Variants in ATP10A observed in about 807,000 individuals in gnomAD.
The protein encoded by ATP10A is phospholipid-transporting ATPase VA.
A neutral mutation model predicts 147.8 loss-of-function variants in ATP10A; 111 were observed. That is an observed-to-expected ratio of 0.75 (90% CI 0.64 to 0.88). The LOEUF (loss-of-function observed/expected upper bound fraction) is 0.88. ATP10A is among the 40% of genes least tolerant of loss of function. The probability of loss-of-function intolerance (pLI) is 0.00; values close to 1 mark genes in which losing one functional copy is unlikely to be tolerated. For missense variants in ATP10A, 1,927 were observed against 1,959.0 expected, an observed-to-expected ratio of 0.98 and a Z score of 0.31; for synonymous variants, 875 against 841.6, an observed-to-expected ratio of 1.04 and a Z score of -0.69.
intron 18 of ATP10A, 38 bp downstream of exon 18, chr15:25,680,956 C>G: frequency 6.2e-7 from 1 of 1,613,702 alleles, no homozygotes; most frequent in Non-Finnish European, 8.5e-7. Context: ...TCCCCGGATC[C>G]AGCTGGTAAG....
chr15:25,754,689 G>A (rs1053594791), intron 2 of ATP10A, among the ~76,000 whole-genome samples: 3 of 152,126 alleles, frequency 2.0e-5, no homozygotes, highest in Non-Finnish European at 4.4e-5. Flanking sequence ...AATTTCTCAA[G>A]CTCTAAATAC....
chr15:25,860,798 G>A (rs957192658), intron 1 of ATP10A, among the ~76,000 whole-genome samples: 1 of 152,190 alleles, frequency 6.6e-6, no homozygotes, highest in African/African-American at 2.4e-5. Flanking sequence ...GGCAAGATGG[G>A]TGTGATAGTT....
intron 6 of ATP10A, 116 bp from the exon 7 acceptor site, chr15:25,722,025 G>T: frequency 8.7e-7 from 1 of 1,147,288 alleles, no homozygotes; most frequent in Non-Finnish European, 1.2e-6. Flanking sequence ...GGACTATACT[G>T]TACCTTTAAG....
intron 2 of ATP10A, among the ~76,000 whole-genome samples, chr15:25,777,096 C>CGTGCGTGT (rs1555468163): frequency 6.7e-6 from 1 of 149,698 alleles, no homozygotes; most frequent in Non-Finnish European, 1.5e-5. Flanking sequence ...TGCATACGTG[C>CGTGCGTGT]GTGTGTGTGT....
rs1899260934 is a variant in ATP10A, at chr15:25,679,582, G to A, written c.4259C>T (p.Thr1420Ile). Residue 1420 changes from threonine to isoleucine, a missense_variant, in exon 21 of 21, where the codon ACC becomes ATC. Coordinates refer to ENST00000555815, the MANE Select transcript of ATP10A (RefSeq NM_024490.4). ...PEESKVRAAS[T>I]GRVTPLSSLF... Reference sequence around the variant, plus strand: ...GGAAGACAGGGGGGTCACCCTGCCGGTGCTGGCAGCTCTCACCTTGGACTC... The same window carrying A: ...GGAAGACAGGGGGGTCACCCTGCCGATGCTGGCAGCTCTCACCTTGGACTC... 6.2e-7 allele frequency: 1 copy of A among 1,610,590 alleles called. No individual in the cohort carries two copies. Among genetic ancestry groups the A allele is most frequent in the Non-Finnish European group, 8.5e-7 (1 of 1,177,456 alleles).
At chr15:25,801,518 A>C (rs1318060022) in intron 1 of ATP10A, among the ~76,000 whole-genome samples, 4 of 152,166 alleles carry the variant, frequency 2.6e-5, no homozygotes, top group African/African-American at 9.7e-5. Flanking sequence ...ACTGAGAATG[A>C]GGGCGGACGA....
At chr15:25,820,015 C>G (rs1822477207) in intron 1 of ATP10A, among the ~76,000 whole-genome samples, 1 of 151,964 alleles carries the variant, frequency 6.6e-6, no homozygotes, top group South Asian at 2.1e-4. Flanking sequence ...GGCTTCACCC[C>G]CAGGCAAAAT....
At chr15:25,783,220 G>A (rs1294078323) in intron 1 of ATP10A, among the ~76,000 whole-genome samples, 3 of 152,098 alleles carry the variant, frequency 2.0e-5, no homozygotes, top group African/African-American at 7.2e-5. Context: ...CTGTAAAAGA[G>A]TAAAAAGCAC....
chr15:25,730,120 G>A (rs1356752619), intron 3 of ATP10A, among the ~76,000 whole-genome samples: 3 of 146,490 alleles, frequency 2.0e-5, no homozygotes, highest in South Asian at 2.2e-4. Context: ...GCGAAACCCC[G>A]TCTCTACTAA....
At chr15:25,674,337 G>A (rs1488455771), downstream of ATP10A, among the ~76,000 whole-genome samples, 1 of 152,192 alleles carries the variant, frequency 6.6e-6, no homozygotes. Flanking sequence ...CCTTGAGCTT[G>A]GACAAAGGAG....
intron 2 of ATP10A, among the ~76,000 whole-genome samples, chr15:25,762,090 G>C (rs1888789429): frequency 6.6e-6 from 1 of 152,114 alleles, no homozygotes; most frequent in Admixed American, 6.5e-5. Context: ...TCGTGACAGT[G>C]AGTTCTCATG....
rs543635176 is a variant in ATP10A, at chr15:25,811,366, A to G, written c.450-30143T>C. Among the ~76,000 whole-genome samples the G allele has an allele frequency of 3.3e-5, 5 of 152,302 alleles. No individual in the cohort carries two copies. In the South Asian group the frequency reaches 1.0e-3, roughly 32 times the overall value. On this transcript the variant is annotated intron_variant, in intron 1 of 20. Transcript: ENST00000555815. ...CCATCAAGGGAGTGAAGGATCCCCAAAGACATAAGGCAGAGCTGGGAGAAG... is the reference window on the plus strand; with the variant it reads ...CCATCAAGGGAGTGAAGGATCCCCAGAGACATAAGGCAGAGCTGGGAGAAG...
At chr15:25,831,638 T>A (rs1056753924) in intron 1 of ATP10A, among the ~76,000 whole-genome samples, 8 of 152,182 alleles carry the variant, frequency 5.3e-5, no homozygotes, top group Non-Finnish European at 1.2e-4. Flanking sequence ...GCTCACACGA[T>A]GTGCAAAGCA....
At chr15:25,779,498 G>C (rs985869179) in intron 2 of ATP10A, among the ~76,000 whole-genome samples, 1 of 151,998 alleles carries the variant, frequency 6.6e-6, no homozygotes, top group South Asian at 2.1e-4. Flanking sequence ...CAGAGGAGAC[G>C]GGGCCAGGCC....
At chr15:25,860,977 C>A (rs1401398070) in intron 1 of ATP10A, among the ~76,000 whole-genome samples, 1 of 152,118 alleles carries the variant, frequency 6.6e-6, no homozygotes, top group Non-Finnish European at 1.5e-5. Flanking sequence ...TGAGCCCCAC[C>A]AGGGCTATGT....
intron 1 of ATP10A, among the ~76,000 whole-genome samples, chr15:25,846,659 C>T (rs1215462892): frequency 6.6e-6 from 1 of 152,128 alleles, no homozygotes; most frequent in Non-Finnish European, 1.5e-5. Context: ...TGACATGTGC[C>T]GGACACGTGC....
chr15:25,840,396 T>C (rs1449982097), intron 1 of ATP10A, among the ~76,000 whole-genome samples: 1 of 152,176 alleles, frequency 6.6e-6, no homozygotes, highest in Non-Finnish European at 1.5e-5. Context: ...CTTCTTTCTG[T>C]TCATAATTCT....
At chr15:25,753,373 A>G (rs574260460) in intron 2 of ATP10A, among the ~76,000 whole-genome samples, 2 of 152,252 alleles carry the variant, frequency 1.3e-5, no homozygotes, top group African/African-American at 4.8e-5. Context: ...ATTTTACTTA[A>G]CATAATGTTG....
intron 14 of ATP10A, among the ~76,000 whole-genome samples, chr15:25,693,943 C>T (rs1466323682): frequency 1.3e-5 from 2 of 152,234 alleles, no homozygotes; most frequent in African/African-American, 2.4e-5. Context: ...ATACTGCCAA[C>T]ACTGGCTGAT....
Sources: gnomAD v4.1 joint callset for allele counts (sites outside exome capture counted in the v4.1 genomes callset) on GRCh38, gnomAD v4.1.1 for gene constraint, MANE v1.5 for transcripts, NCBI Gene and HGNC (gene_info 2026-07-23, HGNC 2026-07-21) for gene names.